The following TFDP2 variants were observed in gnomAD, a reference collection of about 807,000 sequenced individuals.
The protein encoded by TFDP2 is transcription factor Dp-2.
Under a neutral mutation model 59.3 loss-of-function variants are expected in TFDP2, and 17 were observed. The ratio of observed to expected loss-of-function variants is 0.29; its 90% CI spans 0.20 to 0.43. TFDP2 has a LOEUF of 0.43. TFDP2 is among the 20% of genes least tolerant of loss of function. The probability of loss-of-function intolerance (pLI) is 1.00; values close to 1 mark genes in which losing one functional copy is unlikely to be tolerated. For missense variants in TFDP2, 391 were observed against 528.8 expected (o/e 0.74, Z 2.56); for synonymous variants, 180 against 194.7 (o/e 0.92, Z 0.63).
rs1242188075 is a variant in TFDP2, at chr3:141,947,156, G to A, written c.*5357C>T. On this transcript the variant is annotated 3_prime_UTR_variant, in exon 13 of 13. Transcript: ENST00000489671. Reference sequence around the variant, plus strand: ...GAGGGCAGGGAGGCACATTGCTGAGGGTCATTCAAATGGCATGGTGCAGGC... The same window carrying A: ...GAGGGCAGGGAGGCACATTGCTGAGAGTCATTCAAATGGCATGGTGCAGGC... The A allele has an allele frequency of 6.6e-6, 1 of 152,208 alleles. No homozygotes were observed. The highest frequency in any genetic ancestry group is 2.4e-5 in the African/African-American group (1 of 41,440). The allele number at this position is 152,208 out of a possible 1,614,324, so 9.4% of individuals were successfully genotyped here.
At chr3:142,014,249 C>T (rs536226362) in intron 3 of TFDP2, among the ~76,000 whole-genome samples, 23 of 152,288 alleles carry the variant, frequency 1.5e-4, no homozygotes, top group Non-Finnish European at 2.5e-4. Flanking sequence ...CTCAAGTTAT[C>T]CTCCTGCCTC....
intron 3 of TFDP2, among the ~76,000 whole-genome samples, chr3:142,074,532 G>A (rs2060373233): frequency 6.6e-6 from 1 of 151,628 alleles, no homozygotes; most frequent in South Asian, 2.1e-4. Context: ...GGGCAATAGA[G>A]CAAGACCCCA....
At chr3:141,974,907 C>CTTTTTTTTTTT (rs753702830) in intron 7 of TFDP2, among the ~76,000 whole-genome samples, 15 of 90,504 alleles carry the variant, frequency 1.7e-4, no homozygotes, top group African/African-American at 4.6e-4. Flanking sequence ...TCTTCTTCTT[C>CTTTTTTTTTTT]TTTTTTTTTT....
intron 4 of TFDP2, among the ~76,000 whole-genome samples, chr3:141,996,076 A>G (rs753314784): frequency 6.6e-6 from 1 of 151,958 alleles, no homozygotes; most frequent in Non-Finnish European, 1.5e-5. Flanking sequence ...CTTAATTTCT[A>G]TTTCCTAAGG....
intron 3 of TFDP2, chr3:142,029,295 T>C (rs1290483916): frequency 6.6e-6 from 1 of 151,424 alleles, no homozygotes; most frequent in Non-Finnish European, 1.5e-5. Context: ...AATGCCAAAA[T>C]GAATGACAGG....
Position 141,948,237 on chromosome 3 carries a change from A to T in TFDP2, c.*4276T>A. On this transcript the variant is annotated 3_prime_UTR_variant, in exon 13 of 13. Coordinates refer to ENST00000489671, the MANE Select transcript of TFDP2 (RefSeq NM_001178139.2). ...GATATTAAAGGGCCCTTGAAAGGAA[A>T]TAATTTTTAAAAAGCTAAATAGAGC... is the stretch of plus-strand genomic sequence containing the variant. 1 of 152,218 alleles carries T rather than the reference A, an allele frequency of 6.6e-6. No homozygotes were observed. The highest frequency in any genetic ancestry group is 1.5e-5 in the Non-Finnish European group (1 of 68,078). 9.4% of individuals were successfully genotyped at this position (152,218 alleles called of 1,614,324 possible).
intron 3 of TFDP2, among the ~76,000 whole-genome samples, chr3:142,023,122 C>CAAAAAAAA (rs765096570): frequency 1.3e-4 from 8 of 59,548 alleles, no homozygotes; most frequent in South Asian, 8.1e-4. Context: ...CCCTCCGTCT[C>CAAAAAAAA]AAAAAAAAAA....
intron 8 of TFDP2, among the ~76,000 whole-genome samples, chr3:141,972,767 C>A (rs1244823790): frequency 6.6e-6 from 1 of 152,040 alleles, no homozygotes; most frequent in African/African-American, 2.4e-5. Context: ...AATGACAGTA[C>A]CTTGGGGTCA....
intron 3 of TFDP2, among the ~76,000 whole-genome samples, chr3:142,091,091 A>G (rs1484506974): frequency 2.0e-5 from 3 of 152,172 alleles, no homozygotes; most frequent in Non-Finnish European, 1.5e-5. Flanking sequence ...AAAAGAATGG[A>G]GTCCCTCAGC....
intron 11 of TFDP2, among the ~76,000 whole-genome samples, 167 bp from the exon 12 acceptor site, chr3:141,953,183 G>GA (rs968528599): frequency 6.1e-5 from 9 of 148,728 alleles, no homozygotes; most frequent in South Asian, 2.1e-4. Context: ...CTTCTTGGAA[G>GA]AAAAAAAAAT....
chr3:141,952,175 A>G lies in TFDP2; in HGVS notation c.*338T>C, dbSNP rs1216449817. The G allele has an allele frequency of 5.4e-6, 1 of 186,736 alleles. No homozygotes were observed. Among genetic ancestry groups the G allele is most frequent in the Non-Finnish European group, 1.1e-5 (1 of 92,212 alleles). The allele number at this position is 186,736 out of a possible 1,614,324, so 11.6% of individuals were successfully genotyped here. On this transcript the variant is annotated 3_prime_UTR_variant, in exon 13 of 13. Transcript: ENST00000489671. Reference sequence around the variant, plus strand: ...CAATCTCAATTCTAAGAATAATTACATGGGTGTGAGGAACACAAAAATCCC... The same window carrying G: ...CAATCTCAATTCTAAGAATAATTACGTGGGTGTGAGGAACACAAAAATCCC...
In TFDP2 at chr3:142,140,186, G is replaced by A. The variant is rs1347493086; in HGVS notation, c.-93+8997C>T. Among the ~76,000 whole-genome samples, 5 of 152,066 alleles carry A rather than the reference G, an allele frequency of 3.3e-5. No individual in the cohort carries two copies. The South Asian group carries it at 8.3e-4, about 25-fold the overall frequency. ...CCTTTGAAGCTTGTGCATGCCTCAC[G>A]AAGTTCTCATGCCATGGTTTTCAGC... On this transcript the variant is annotated intron_variant, in intron 1 of 12. Transcript: ENST00000489671.
At chr3:142,011,989 C>A (rs577576673) in intron 3 of TFDP2, among the ~76,000 whole-genome samples, 1 of 151,098 alleles carries the variant, frequency 6.6e-6, no homozygotes, top group Non-Finnish European at 1.5e-5. Flanking sequence ...AAAAATAATT[C>A]TACACTTTTT....
At chr3:142,052,856 C>G (rs1272992537) in intron 3 of TFDP2, among the ~76,000 whole-genome samples, 2 of 151,980 alleles carry the variant, frequency 1.3e-5, no homozygotes, top group Admixed American at 1.3e-4. Context: ...GTCGCCCAGG[C>G]TGGAGTGCAG....
chr3:142,120,526 A>G (rs2062013629), intron 1 of TFDP2, among the ~76,000 whole-genome samples: 2 of 152,234 alleles, frequency 1.3e-5, no homozygotes, highest in African/African-American at 4.8e-5. Context: ...TAAACATGCC[A>G]TTTACCAGCC....
chr3:142,039,381 T>G (rs1050117829), intron 3 of TFDP2, among the ~76,000 whole-genome samples: 3 of 152,146 alleles, frequency 2.0e-5, no homozygotes, highest in African/African-American at 4.8e-5. Context: ...CCTTGACAGT[T>G]TTTTGGGTTG....
chr3:141,999,002 T>A (rs532572714), intron 4 of TFDP2, among the ~76,000 whole-genome samples: 1 of 152,284 alleles, frequency 6.6e-6, no homozygotes, highest in African/African-American at 2.4e-5. Context: ...AGCATGCAGT[T>A]TTTACTCTTC....
chr3:142,038,137 C>T (rs965250342), intron 3 of TFDP2, among the ~76,000 whole-genome samples: 1 of 152,118 alleles, frequency 6.6e-6, no homozygotes, highest in Admixed American at 6.5e-5. Context: ...GTAATCCCAG[C>T]ACTCTGGGAG....
intron 3 of TFDP2, among the ~76,000 whole-genome samples, chr3:142,072,809 A>T (rs1160620177): frequency 1.3e-5 from 2 of 152,244 alleles, no homozygotes; most frequent in African/African-American, 4.8e-5. Context: ...AAATGATTGA[A>T]TCAATAGAGG....
Sources: allele counts gnomAD v4.1 joint callset (sites outside exome capture counted in the v4.1 genomes callset), GRCh38; gene constraint gnomAD v4.1.1; transcripts MANE v1.5; gene names NCBI Gene and HGNC (gene_info 2026-07-23, HGNC 2026-07-21).